Variants in CALB2 observed in about 807,000 individuals in gnomAD.
CALB2 encodes the protein calretinin.
CALB2 carries 34 observed loss-of-function variants against 45.9 expected under a neutral mutation model. That is an observed-to-expected ratio of 0.74 (90% CI 0.56 to 0.99). The LOEUF is 0.99. CALB2 is among the 50% of genes least tolerant of loss of function. CALB2 has a pLI of 0.00. For missense variants in CALB2, 344 were observed against 339.3 expected, an observed-to-expected ratio of 1.01 and a Z score of -0.11; for synonymous variants, 142 against 129.6, an observed-to-expected ratio of 1.10 and a Z score of -0.65.
At chr16:71,365,516 C>T (rs1294311518) in intron 1 of CALB2, among the ~76,000 whole-genome samples, 1 of 152,174 alleles carries the variant, frequency 6.6e-6, no homozygotes, top group East Asian at 1.9e-4. Context: ...AATTTGAAAA[C>T]CACTGAGCAA....
At chr16:71,376,852 C>T (rs1346483251) in intron 3 of CALB2, among the ~76,000 whole-genome samples, 1 of 152,238 alleles carries the variant, frequency 6.6e-6, no homozygotes, top group Non-Finnish European at 1.5e-5. Flanking sequence ...TATCCAACTA[C>T]ATACATCCAT....
intron 1 of CALB2, among the ~76,000 whole-genome samples, chr16:71,362,104 G>A (rs2042242577): frequency 1.3e-5 from 2 of 152,160 alleles, no homozygotes; most frequent in African/African-American, 4.8e-5. Context: ...TGGCCCTGAC[G>A]TGGCCTTACG....
chr16:71,383,443 T>A lies in CALB2; in HGVS notation c.476T>A (p.Ile159Lys), dbSNP rs143234572. ...EPKLQEYTQTILRMFDLNGDG... is the reference protein window; with the variant it reads ...EPKLQEYTQTKLRMFDLNGDG... Reference sequence around the variant, plus strand: ...AAGCTCCAGGAATACACCCAAACCATAGTGAGTGAACAGAAGTGTCCCTCT... The same window carrying A: ...AAGCTCCAGGAATACACCCAAACCAAAGTGAGTGAACAGAAGTGTCCCTCT... Residue 159 changes from isoleucine (I) to lysine (K), a missense_variant and splice_region_variant, in exon 6 of 11, where the codon ATA (isoleucine) becomes AAA (lysine). Ile to Lys is a moderately radical substitution (Grantham distance 102, BLOSUM62 -3). This residue lies in a region of CALB2 where 263 missense variants were observed against 241.7 expected (regional missense o/e 1.09). Transcript: ENST00000302628. 1.9e-6 allele frequency: 3 copies of A among 1,613,738 alleles called. No homozygotes were observed. The highest frequency in any genetic ancestry group is 2.7e-5 in the African/African-American group (2 of 74,902).
rs2042623052 is a variant in CALB2 at position 71,390,263 on chromosome 16, TC to T, written c.*400del. On this transcript the variant is annotated 3_prime_UTR_variant, in exon 11 of 11. Coordinates refer to ENST00000302628, the MANE Select transcript of CALB2 (RefSeq NM_001740.5). ...ACCCACCCCAAACTTCCAGGTTCCATCCACCACCTTGCCAATGGTGTAGCTG... is the reference window on the plus strand; with the variant it reads ...ACCCACCCCAAACTTCCAGGTTCCATCACCACCTTGCCAATGGTGTAGCTG... The T allele has an allele frequency of 5.8e-6, 1 of 171,608 alleles. No individual in the cohort carries two copies. Among genetic ancestry groups the T allele is most frequent in the African/African-American group, 2.4e-5 (1 of 42,180 alleles). 10.6% of individuals were successfully genotyped at this position (171,608 alleles called of 1,614,324 possible).
At position 71,374,763 on chromosome 16, in the gene CALB2, T is replaced by C. The variant is rs1473022375; in HGVS notation, c.190T>C (p.Phe64Leu). 1 of 1,613,076 alleles carries C rather than the reference T, an allele frequency of 6.2e-7. No individual in the cohort carries two copies. ...TCCACAGATGTCAAAGAGTGACAAC[T>C]TTGGAGAAAAGATGAAGGAGTTCAT... is the stretch of plus-strand genomic sequence containing the variant. ...GSGMMSKSDN[F>L]GEKMKEFMQK... Residue 64 changes from phenylalanine to leucine, a missense_variant, in exon 3 of 11, where the codon TTT becomes CTT. Physicochemically the swap from Phe to Leu is conservative, Grantham distance 22 (BLOSUM62 0). This residue lies in a region of CALB2 where 77 missense variants were observed against 80.5 expected (regional missense o/e 0.96). Coordinates refer to ENST00000302628, the MANE Select transcript of CALB2 (RefSeq NM_001740.5).
rs771666794 is a variant in CALB2, at chr16:71,374,759, C to T, written c.186C>T (p.Asp62=). ...TCTTTCCACAGATGTCAAAGAGTGACAACTTTGGAGAAAAGATGAAGGAGT... is the reference window on the plus strand; with the variant it reads ...TCTTTCCACAGATGTCAAAGAGTGATAACTTTGGAGAAAAGATGAAGGAGT... The part of the protein sequence containing the change: ...RKGSGMMSKS[D]NFGEKMKEFM... The change falls in exon 3 of 11, where the codon GAC becomes GAT. Residue 62 remains aspartate, a synonymous_variant. Transcript: ENST00000302628. 1.9e-6 allele frequency: 3 copies of T among 1,612,466 alleles called. No individual in the cohort carries two copies. In the African/African-American group the frequency reaches 4.0e-5, roughly 22 times the overall value.
rs745602535 is a variant in CALB2, at chr16:71,377,687, C to A, written c.282C>A (p.Thr94=). 6.2e-7 allele frequency: 1 copy of A among 1,613,924 alleles called. No homozygotes were observed. Among genetic ancestry groups the A allele is most frequent in the Non-Finnish European group, 8.5e-7 (1 of 1,179,858 alleles). The change falls in exon 4 of 11, where the codon ACC becomes ACA. Residue 94 remains threonine, a synonymous_variant. Coordinates refer to ENST00000302628, the MANE Select transcript of CALB2 (RefSeq NM_001740.5). ...EMAELAQILP[T]EENFLLCFRQ... is the part of the protein sequence containing the mutation. ...CACAGCTGGCGCAGATCCTGCCAAC[C>A]GAAGAGAACTTCCTTCTGTGCTTCA...
chr16:71,365,388 G>C (rs1010755734), intron 1 of CALB2, among the ~76,000 whole-genome samples: 2 of 152,190 alleles, frequency 1.3e-5, no homozygotes, highest in African/African-American at 4.8e-5. Flanking sequence ...GTGTGCTGAA[G>C]GGCTGCTTAG....
At chr16:71,362,758 G>A (rs62055045) in intron 1 of CALB2, among the ~76,000 whole-genome samples, 14,491 of 140,262 alleles carry the variant, frequency 0.1, 875 homozygotes, top group South Asian at 0.2. Context: ...GAATAATAGC[G>A]GCTCTCTCTG....
At chr16:71,372,464 T>C (rs1350697486) in intron 2 of CALB2, among the ~76,000 whole-genome samples, 1 of 152,202 alleles carries the variant, frequency 6.6e-6, no homozygotes, top group Admixed American at 6.5e-5. Context: ...TGAATCCTCC[T>C]GCAAAGCTGC....
intron 1 of CALB2, among the ~76,000 whole-genome samples, chr16:71,363,512 CCA>C (rs2042253844): frequency 6.6e-6 from 1 of 152,194 alleles, no homozygotes. Flanking sequence ...TTCTCCAAGC[CCA>C]CACAACACTG....
chr16:71,380,562 C>T (rs1369640517), intron 4 of CALB2, among the ~76,000 whole-genome samples: 4 of 152,034 alleles, frequency 2.6e-5, no homozygotes, highest in Admixed American at 6.5e-5. Flanking sequence ...CCCACCTTGG[C>T]CTCCCAAAGT....
intron 1 of CALB2, among the ~76,000 whole-genome samples, chr16:71,371,694 A>G (rs1359317317): frequency 6.6e-6 from 1 of 152,080 alleles, no homozygotes; most frequent in Non-Finnish European, 1.5e-5. Flanking sequence ...AGTATGACTC[A>G]TCTTAACTAA....
chr16:71,385,941 C>A (rs752090423), intron 10 of CALB2, among the ~76,000 whole-genome samples: 1 of 152,156 alleles, frequency 6.6e-6, no homozygotes, highest in African/African-American at 2.4e-5. Flanking sequence ...CATAATATTG[C>A]ACATGCGTGG....
At chr16:71,375,329 T>TACACATAC (rs1334095441) in intron 3 of CALB2, among the ~76,000 whole-genome samples, 1 of 152,208 alleles carries the variant, frequency 6.6e-6, no homozygotes, top group African/African-American at 2.4e-5. Context: ...CACACGTATA[T>TACACATAC]ACACATACAC....
At chr16:71,369,573 C>G (rs532340889) in intron 1 of CALB2, among the ~76,000 whole-genome samples, 1 of 152,182 alleles carries the variant, frequency 6.6e-6, no homozygotes, top group Non-Finnish European at 1.5e-5. Flanking sequence ...CAGCCACCTC[C>G]CGATACACTC....
chr16:71,383,464 C>T lies in CALB2; in HGVS notation c.477+20C>T, dbSNP rs1325300150. 9.9e-6 allele frequency: 16 copies of T among 1,610,982 alleles called. No individual in the cohort carries two copies. Among genetic ancestry groups the T allele is most frequent in the Non-Finnish European group, 1.2e-5 (14 of 1,177,576 alleles). ...ACCATAGTGAGTGAACAGAAGTGTCCCTCTCCCCCAGGGTGCAGGACTTGT... is the reference window on the plus strand; with the variant it reads ...ACCATAGTGAGTGAACAGAAGTGTCTCTCTCCCCCAGGGTGCAGGACTTGT... On this transcript the variant is annotated intron_variant, in intron 6 of 10. Coordinates refer to ENST00000302628, the MANE Select transcript of CALB2 (RefSeq NM_001740.5).
chr16:71,382,830 C>A, intron 5 of CALB2, 55 bp downstream of exon 5: 2 of 1,488,220 alleles, frequency 1.3e-6, no homozygotes, highest in Non-Finnish European at 1.8e-6. Context: ...GCTTAAGGTG[C>A]CTGAGGAGGG....
At chr16:71,372,639 C>T (rs1418583726) in intron 2 of CALB2, among the ~76,000 whole-genome samples, 1 of 152,170 alleles carries the variant, frequency 6.6e-6, no homozygotes, top group Non-Finnish European at 1.5e-5. Flanking sequence ...TCAGCCTCAG[C>T]GCTGTTGGCA....
Sources: allele counts gnomAD v4.1 joint callset (sites outside exome capture counted in the v4.1 genomes callset), GRCh38; gene constraint gnomAD v4.1.1; regional missense constraint gnomAD v4.1.1; transcripts MANE v1.5; gene names NCBI Gene and HGNC (gene_info 2026-07-23, HGNC 2026-07-21).